Variants in ENTPD6 observed in about 807,000 individuals in gnomAD.
The protein encoded by ENTPD6 is CD39 antigen-like 2.
Under a neutral mutation model 61.5 loss-of-function variants are expected in ENTPD6, and 46 were observed. That is an observed-to-expected ratio of 0.75 (90% CI 0.59 to 0.96). ENTPD6 has a LOEUF of 0.96. Ranked by LOEUF, ENTPD6 falls within the 40% of genes least tolerant of loss-of-function variation. The pLI, the probability that ENTPD6 is intolerant of heterozygous loss-of-function variation, is 0.00. For missense variants in ENTPD6, 612 were observed against 629.0 expected (o/e 0.97, Z 0.29); for synonymous variants, 252 against 255.5 (o/e 0.99, Z 0.13).
At chr20:25,207,804 G>A (rs911777155) in intron 3 of ENTPD6, among the ~76,000 whole-genome samples, 6 of 152,228 alleles carry the variant, frequency 3.9e-5, no homozygotes, top group African/African-American at 1.4e-4. Context: ...TCCTGGGCTT[G>A]ACCGGGAGCT....
chr20:25,213,580 C>G (rs1366838214), intron 5 of ENTPD6, among the ~76,000 whole-genome samples, 174 bp downstream of exon 5: 1 of 152,228 alleles, frequency 6.6e-6, no homozygotes, highest in Non-Finnish European at 1.5e-5. Context: ...TGCTTTGTTC[C>G]TTGTGACATT....
At chr20:25,206,410 C>G in intron 1 of ENTPD6, 112 bp from the exon 2 acceptor site, 1 of 775,962 alleles carries the variant, frequency 1.3e-6, no homozygotes, top group East Asian at 2.6e-5. Context: ...CAAATGCTTT[C>G]ATTTTGGGTA....
intron 1 of ENTPD6, among the ~76,000 whole-genome samples, chr20:25,206,176 C>T (rs2091481109): frequency 6.6e-6 from 1 of 152,216 alleles, no homozygotes; most frequent in Admixed American, 6.5e-5. Flanking sequence ...CACTGTCACA[C>T]GTAGCTGCGG....
intron 1 of ENTPD6, among the ~76,000 whole-genome samples, chr20:25,200,066 G>A (rs1462150293): frequency 2.0e-5 from 3 of 152,212 alleles, no homozygotes; most frequent in Non-Finnish European, 4.4e-5. Context: ...TTCCAAGGCA[G>A]CTGCACCATC....
At chr20:25,206,324 G>A (rs548620271) in intron 1 of ENTPD6, among the ~76,000 whole-genome samples, 198 bp from the exon 2 acceptor site, 57 of 152,340 alleles carry the variant, frequency 3.7e-4, no homozygotes, top group African/African-American at 1.3e-3. Flanking sequence ...CCCTAGAGTC[G>A]GCCCACACTT....
intron 10 of ENTPD6, among the ~76,000 whole-genome samples, chr20:25,220,392 G>C (rs1183286282): frequency 6.6e-6 from 1 of 151,632 alleles, no homozygotes; most frequent in Non-Finnish European, 1.5e-5. Flanking sequence ...GACGCCCCCT[G>C]CTGGGGTTCT....
At position 25,216,753 on chromosome 20, in the gene ENTPD6, A is replaced by G. The variant is rs765969139; in HGVS notation, c.798+17A>G. Reference sequence around the variant, plus strand: ...CGCGTGGAGGTAACAAGCCCTGCCGACCACAGCGCTCTTTCCACCCCGAGG... The same window carrying G: ...CGCGTGGAGGTAACAAGCCCTGCCGGCCACAGCGCTCTTTCCACCCCGAGG... On this transcript the variant is annotated intron_variant, in intron 8 of 14. Coordinates refer to ENST00000376652, the MANE Select transcript of ENTPD6 (RefSeq NM_001247.5). 1.4e-6 allele frequency: 2 copies of G among 1,450,304 alleles called. No homozygotes were observed. 89.8% of individuals were successfully genotyped at this position (1,450,304 alleles called of 1,614,324 possible).
chr20:25,208,174 T>C (rs182041168), intron 3 of ENTPD6, among the ~76,000 whole-genome samples: 29 of 152,358 alleles, frequency 1.9e-4, no homozygotes, highest in African/African-American at 6.7e-4. Context: ...ACGGTTCTGC[T>C]GGTGCTGGAC....
chr20:25,224,991 C>T, intron 13 of ENTPD6: 4 of 638,440 alleles, frequency 6.3e-6, no homozygotes, highest in Non-Finnish European at 1.1e-5. Flanking sequence ...GCGTGCAAAT[C>T]CCCTTGGAGC....
chr20:25,214,751 A>AT (rs1188903512), intron 5 of ENTPD6, 116 bp from the exon 6 acceptor site: 8 of 675,882 alleles, frequency 1.2e-5, no homozygotes, highest in Non-Finnish European at 2.1e-5. Flanking sequence ...CCAGTTACAG[A>AT]TTTTTTCGTT....
chr20:25,216,528 A>G (rs6050448), intron 7 of ENTPD6, 120 bp from the exon 8 acceptor site: 16,575 of 678,120 alleles, frequency 0.024, 418 homozygotes, highest in African/African-American at 0.089. Flanking sequence ...AGATTTGTCA[A>G]TAGCTGAGCT....
intron 8 of ENTPD6, 83 bp from the exon 9 acceptor site, chr20:25,217,418 CT>C: frequency 7.5e-7 from 1 of 1,337,138 alleles, no homozygotes; most frequent in Non-Finnish European, 1.1e-6. Context: ...TGACCATCCC[CT>C]TTCTTTCAAA....
chr20:25,214,733 G>T, intron 5 of ENTPD6, 134 bp from the exon 6 acceptor site: 1 of 644,390 alleles, frequency 1.6e-6, no homozygotes, highest in South Asian at 1.8e-5. Flanking sequence ...ACAACTAATT[G>T]ATCACAACCA....
intron 1 of ENTPD6, among the ~76,000 whole-genome samples, chr20:25,205,446 A>G (rs945212732): frequency 6.6e-5 from 10 of 152,122 alleles, no homozygotes; most frequent in Admixed American, 5.2e-4. Context: ...GGGGCAGAAG[A>G]AGGCACTGTT....
At chr20:25,208,795 A>G (rs1486745720) in intron 3 of ENTPD6, among the ~76,000 whole-genome samples, 2 of 152,250 alleles carry the variant, frequency 1.3e-5, no homozygotes, top group African/African-American at 4.8e-5. Flanking sequence ...TTCAGTTTGG[A>G]GTCACTTATC....
At chr20:25,208,057 C>T (rs1299723035) in intron 3 of ENTPD6, among the ~76,000 whole-genome samples, 1 of 152,220 alleles carries the variant, frequency 6.6e-6, no homozygotes, top group Non-Finnish European at 1.5e-5. Flanking sequence ...GTCTCTCTAG[C>T]TGTAGCCAGT....
At chr20:25,220,369 T>A (rs553634771) in intron 10 of ENTPD6, among the ~76,000 whole-genome samples, 1 of 149,796 alleles carries the variant, frequency 6.7e-6, no homozygotes, top group East Asian at 2.0e-4. Context: ...CATGTGGCTG[T>A]GGCAGCTGTC....
At position 25,207,319 on chromosome 20, in the gene ENTPD6, GTCT is replaced by G; in HGVS notation, c.302_304del (p.Phe101del). On this transcript the variant is annotated inframe_deletion, in exon 3 of 15. Coordinates refer to ENST00000376652, the MANE Select transcript of ENTPD6 (RefSeq NM_001247.5). ...GGGGACAGCTGCAGACGGGCACGAG[GTCT>G]TCTACGGGATCATGTTTGATGCAGG... 1 of 1,597,058 alleles carries G rather than the reference GTCT, an allele frequency of 6.3e-7. No individual in the cohort carries two copies.
At chr20:25,218,437 A>G (rs1452834850) in intron 9 of ENTPD6, 113 bp from the exon 10 acceptor site, 1 of 911,512 alleles carries the variant, frequency 1.1e-6, no homozygotes, top group Non-Finnish European at 1.7e-6. Context: ...GAAGCTCACT[A>G]ACTGCCTTGC....
Sources: allele counts gnomAD v4.1 joint callset (sites outside exome capture counted in the v4.1 genomes callset), GRCh38; gene constraint gnomAD v4.1.1; transcripts MANE v1.5; gene names NCBI Gene and HGNC (gene_info 2026-07-23, HGNC 2026-07-21).